The following TBC1D10A variants were observed in gnomAD, a reference collection of about 807,000 sequenced individuals.
The protein encoded by TBC1D10A is TBC1 domain family member 10A.
Under a neutral mutation model 52.9 loss-of-function variants are expected in TBC1D10A, and 24 were observed. That is an observed-to-expected ratio of 0.45 (90% CI 0.33 to 0.64). The LOEUF is 0.64. Among genes scored for constraint, TBC1D10A ranks in the 30% least tolerant of loss-of-function variants. The pLI is 0.02. For missense variants in TBC1D10A, 602 were observed against 687.9 expected, an observed-to-expected ratio of 0.88 and a Z score of 1.40; for synonymous variants, 278 against 282.9, an observed-to-expected ratio of 0.98 and a Z score of 0.17.
At position 30,297,950 on chromosome 22, in the gene TBC1D10A, GCAGGAACCCGT is replaced by G. The variant is rs1162956232; in HGVS notation, c.417+1483_417+1493del. On this transcript the variant is annotated intron_variant, in intron 3 of 8. Transcript: ENST00000215790. The surrounding 1 kb of genome is among the most constrained non-coding windows in gnomAD (Gnocchi z 4.3). Reference sequence around the variant, plus strand: ...CCATTCTTCCAGCCCCCAGAACCATGCAGGAACCCGTCACTCAGCTTCGGTGCATCAAGAAG... The same window carrying G: ...CCATTCTTCCAGCCCCCAGAACCATGCACTCAGCTTCGGTGCATCAAGAAG... 4 of 152,288 alleles carry G rather than the reference GCAGGAACCCGT, an allele frequency of 2.6e-5. No individual in the cohort carries two copies. Among genetic ancestry groups the G allele is most frequent in the Non-Finnish European group, 5.9e-5 (4 of 68,092 alleles). The allele number at this position is 152,288 out of a possible 1,614,324, so 9.4% of individuals were successfully genotyped here.
chr22:30,315,267 G>A (rs1930511751), intron 1 of TBC1D10A, among the ~76,000 whole-genome samples: 1 of 152,140 alleles, frequency 6.6e-6, no homozygotes, highest in Non-Finnish European at 1.5e-5. Context: ...AAATGTCTGA[G>A]GTAAAATCTC....
chr22:30,314,826 A>AC (rs1314974585), intron 1 of TBC1D10A, among the ~76,000 whole-genome samples: 1 of 150,066 alleles, frequency 6.7e-6, no homozygotes, highest in East Asian at 2.0e-4. Context: ...AAAAAAAAAA[A>AC]CCCACCAAAA....
At chr22:30,325,443 A>T (rs565721683) in intron 1 of TBC1D10A, among the ~76,000 whole-genome samples, 111 of 152,318 alleles carry the variant, frequency 7.3e-4, no homozygotes, top group African/African-American at 2.4e-3. Context: ...GAGAAAGGAT[A>T]TTCTCTGGAG....
intron 1 of TBC1D10A, among the ~76,000 whole-genome samples, chr22:30,316,461 GT>G (rs71328836): frequency 9.1e-4 from 130 of 142,970 alleles, no homozygotes; most frequent in African/African-American, 8.7e-4. Context: ...TTTTGTTTTT[GT>G]TTTTTTTTTT....
chr22:30,319,902 C>T (rs747535644), intron 1 of TBC1D10A, among the ~76,000 whole-genome samples: 14 of 152,140 alleles, frequency 9.2e-5, no homozygotes, highest in East Asian at 1.9e-4. Flanking sequence ...CTGCTCTAGT[C>T]GGCAATGCAT....
intron 4 of TBC1D10A, among the ~76,000 whole-genome samples, 159 bp downstream of exon 4, chr22:30,295,577 GC>G (rs923264815): frequency 1.3e-5 from 2 of 152,214 alleles, no homozygotes; most frequent in Non-Finnish European, 2.9e-5. Flanking sequence ...AAGAGGAGAT[GC>G]TGAGAACACA....
intron 1 of TBC1D10A, chr22:30,318,733 G>A: frequency 2.1e-6 from 1 of 470,774 alleles, no homozygotes; most frequent in Non-Finnish European, 4.4e-6. Flanking sequence ...CACTGCTCCA[G>A]ACCTCTTCCA....
At chr22:30,326,522 G>A in intron 1 of TBC1D10A, 151 bp downstream of exon 1, 2 of 741,800 alleles carry the variant, frequency 2.7e-6, no homozygotes, top group Non-Finnish European at 4.0e-6. Flanking sequence ...TAGGAAGGCA[G>A]GGGTGGTGGG....
At chr22:30,296,187 C>T in intron 3 of TBC1D10A, 1 of 232,422 alleles carries the variant, frequency 4.3e-6, no homozygotes, top group Non-Finnish European at 8.5e-6. Context: ...CAGAAGGCTG[C>T]TTCTCTGAGC....
chr22:30,294,755 G>A (rs1569158884), intron 6 of TBC1D10A, 41 bp downstream of exon 6: 1 of 1,613,268 alleles, frequency 6.2e-7, no homozygotes, highest in East Asian at 2.2e-5. Context: ...GCCACAGAGG[G>A]TGTCCAGCCC....
chr22:30,304,504 C>A (rs1252247183), intron 2 of TBC1D10A, 27 bp downstream of exon 2: 20 of 1,613,812 alleles, frequency 1.2e-5, no homozygotes, highest in Non-Finnish European at 1.5e-5. Context: ...CAACTCCCAG[C>A]CCAATACCTG....
At chr22:30,310,318 G>A (rs1185235572) in intron 1 of TBC1D10A, among the ~76,000 whole-genome samples, 1 of 152,242 alleles carries the variant, frequency 6.6e-6, no homozygotes, top group African/African-American at 2.4e-5. Flanking sequence ...ACTGGTATTT[G>A]CGGCTTAACT....
chr22:30,292,536 C>A lies in TBC1D10A; in HGVS notation c.1366G>T (p.Val456Leu), dbSNP rs748955631. 3 of 1,613,182 alleles carry A rather than the reference C, an allele frequency of 1.9e-6. No individual in the cohort carries two copies. Among genetic ancestry groups the A allele is most frequent in the South Asian group, 2.2e-5 (2 of 90,972 alleles). The change falls in exon 9 of 9, where the codon GTG becomes TTG. Residue 456 changes from valine to leucine, a missense_variant. Physicochemically the swap from Val to Leu is conservative, Grantham distance 32. Around this residue, in one of 3 missense-constraint regions of TBC1D10A, gnomAD observed 265 missense variants for 275.1 expected, o/e 0.96. Coordinates refer to ENST00000215790, the MANE Select transcript of TBC1D10A (RefSeq NM_031937.3). ...EKPPAPNQAM[V>L]VAAAGDACPP... ...CATGCATCTCCTGCAGCGGCCACCA[C>A]CATGGCTTGATTTGGGGCTGGGGGC...
Position 30,299,550 on chromosome 22 carries a change from A to G in TBC1D10A, c.311T>C (p.Ile104Thr). 1 of 1,613,948 alleles carries G rather than the reference A, an allele frequency of 6.2e-7. No homozygotes were observed. Residue 104 changes from isoleucine (I) to threonine (T), a missense_variant and splice_region_variant, in exon 3 of 9, where the codon ATT becomes ACT. Ile to Thr is a moderately conservative substitution (Grantham distance 89, BLOSUM62 -1). Transcript: ENST00000215790. ...GATGCCCTTTTGGCACCGCAGACGAATCTGAAAATCAAAAGGACAGCTGAG... is the reference window on the plus strand; with the variant it reads ...GATGCCCTTTTGGCACCGCAGACGAGTCTGAAAATCAAAAGGACAGCTGAG... ...DKWMAKKHKKIRLRCQKGIPP... is the reference protein window; with the variant it reads ...DKWMAKKHKKTRLRCQKGIPP...
At chr22:30,313,764 G>C (rs563807101) in intron 1 of TBC1D10A, among the ~76,000 whole-genome samples, 1 of 151,810 alleles carries the variant, frequency 6.6e-6, no homozygotes. Context: ...ATTTCATTAA[G>C]TGTTGTCAGC....
chr22:30,295,672 T>A (rs1930062495), intron 4 of TBC1D10A, 65 bp downstream of exon 4: 1 of 1,523,866 alleles, frequency 6.6e-7, no homozygotes, highest in Admixed American at 1.7e-5. Flanking sequence ...TCACTGTACC[T>A]CCTTAGACCC....
In TBC1D10A at chr22:30,292,214, C is replaced by A. The variant is rs986929251; in HGVS notation, c.*161G>T. 3 of 594,498 alleles carry A rather than the reference C, an allele frequency of 5.0e-6. No individual in the cohort carries two copies. In the African/African-American group the frequency reaches 5.7e-5, roughly 11 times the overall value. The allele number at this position is 594,498 out of a possible 1,614,324, so 36.8% of individuals were successfully genotyped here. A position where few individuals can be genotyped will look rare whatever the true frequency, so the allele number is the denominator to read the frequency against. ...ATAAATAAGGAGGCTCAGGCAGAAT[C>A]TGTGTTGGACCAGGCAGAATCTGTG... On this transcript the variant is annotated 3_prime_UTR_variant, in exon 9 of 9. Transcript: ENST00000215790.
intron 1 of TBC1D10A, among the ~76,000 whole-genome samples, chr22:30,308,892 C>G (rs947531566): frequency 6.6e-6 from 1 of 152,200 alleles, no homozygotes; most frequent in Non-Finnish European, 1.5e-5. Flanking sequence ...TCCATTTGGA[C>G]CATGACAGAC....
At chr22:30,304,034 G>A (rs1273462654) in intron 2 of TBC1D10A, among the ~76,000 whole-genome samples, 1 of 152,208 alleles carries the variant, frequency 6.6e-6, no homozygotes, top group African/African-American at 2.4e-5. Flanking sequence ...GTGGCTAAGA[G>A]GGCAGGTGCT....
Sources: gnomAD v4.1 joint callset for allele counts (sites outside exome capture counted in the v4.1 genomes callset) on GRCh38, gnomAD v4.1.1 for gene constraint, gnomAD v4.1.1 regional missense constraint, Gnocchi (gnomAD v3.1) non-coding constraint, MANE v1.5 for transcripts, NCBI Gene and HGNC (gene_info 2026-07-23, HGNC 2026-07-21) for gene names.